The following AMBRA1 variants were observed in gnomAD, a reference collection of about 807,000 sequenced individuals.
AMBRA1 encodes activating molecule in BECN1-regulated autophagy protein 1.
A neutral mutation model predicts 125.4 loss-of-function variants in AMBRA1; 47 were observed. The observed-to-expected ratio is 0.37, with a 90% confidence interval of 0.30 to 0.48. AMBRA1 has a LOEUF of 0.48. Among genes scored for constraint, AMBRA1 ranks in the 20% least tolerant of loss-of-function variants. AMBRA1 has a pLI of 0.99. For missense variants in AMBRA1, 1,331 were observed against 1,693.4 expected, an observed-to-expected ratio of 0.79 and a Z score of 3.76; for synonymous variants, 626 against 655.5, an observed-to-expected ratio of 0.95 and a Z score of 0.69.
At chr11:46,518,039 G>C in intron 7 of AMBRA1, 3 of 848,560 alleles carry the variant, frequency 3.5e-6, no homozygotes, top group Non-Finnish European at 4.3e-6. Flanking sequence ...TTTTCTGCAA[G>C]TTTGAAATTA....
intron 1 of AMBRA1, among the ~76,000 whole-genome samples, chr11:46,592,665 G>A (rs1205169926): frequency 6.6e-6 from 1 of 152,014 alleles, no homozygotes; most frequent in African/African-American, 2.4e-5. Flanking sequence ...GTCTGAGGCA[G>A]GGGAATCGCT....
At chr11:46,462,034 A>C (rs1289359232) in intron 11 of AMBRA1, among the ~76,000 whole-genome samples, 2 of 151,980 alleles carry the variant, frequency 1.3e-5, no homozygotes, top group African/African-American at 4.8e-5. Context: ...CATCCTTCAT[A>C]ATTTTAATGT....
intron 1 of AMBRA1, among the ~76,000 whole-genome samples, chr11:46,554,264 A>G (rs1464903226): frequency 6.6e-6 from 1 of 152,164 alleles, no homozygotes; most frequent in African/African-American, 2.4e-5. Flanking sequence ...CAGCAGTCCA[A>G]TTCCTAAAAA....
chr11:46,406,340 C>T (rs956698894), intron 17 of AMBRA1, among the ~76,000 whole-genome samples: 8 of 146,592 alleles, frequency 5.5e-5, no homozygotes, highest in Non-Finnish European at 1.0e-4. Context: ...AGGCGTGAGC[C>T]ACCACACCCA....
At chr11:46,492,831 C>T (rs544985375) in intron 11 of AMBRA1, among the ~76,000 whole-genome samples, 4 of 152,220 alleles carry the variant, frequency 2.6e-5, no homozygotes, top group African/African-American at 7.2e-5. Context: ...AGGCAGATCA[C>T]GAAGTGAGGA....
intron 11 of AMBRA1, among the ~76,000 whole-genome samples, chr11:46,464,427 T>C (rs1949236422): frequency 1.3e-5 from 2 of 152,102 alleles, no homozygotes; most frequent in African/African-American, 2.4e-5. Context: ...CCTGAGATGG[T>C]CTAAACTAAA....
At chr11:46,452,589 C>T (rs971589584) in intron 11 of AMBRA1, among the ~76,000 whole-genome samples, 5 of 152,226 alleles carry the variant, frequency 3.3e-5, no homozygotes, top group Admixed American at 3.3e-4. Flanking sequence ...ACCATCTTCC[C>T]TTTCTGAGTA....
chr11:46,551,960 G>T (rs1348367840), intron 1 of AMBRA1, among the ~76,000 whole-genome samples: 4 of 148,192 alleles, frequency 2.7e-5, no homozygotes, highest in East Asian at 2.1e-4. Context: ...CCCAGGAGGC[G>T]GAGGTTGTAG....
intron 3 of AMBRA1, 146 bp downstream of exon 3, chr11:46,547,671 T>A: frequency 1.3e-6 from 1 of 745,828 alleles, no homozygotes; most frequent in Admixed American, 2.8e-5. Context: ...TCATCTACTT[T>A]CTTTCCCTTT....
chr11:46,481,004 G>A (rs1196849107), intron 11 of AMBRA1, among the ~76,000 whole-genome samples: 3 of 152,188 alleles, frequency 2.0e-5, no homozygotes, highest in Non-Finnish European at 4.4e-5. Flanking sequence ...GAAAACTTCA[G>A]TAGAAGGAAA....
chr11:46,506,256 G>A (rs890476549), intron 9 of AMBRA1, among the ~76,000 whole-genome samples: 3 of 152,190 alleles, frequency 2.0e-5, no homozygotes, highest in African/African-American at 7.2e-5. Flanking sequence ...TCCTGCAGTT[G>A]ACAAGAGAGA....
At chr11:46,520,038 C>T (rs1433776658) in intron 7 of AMBRA1, among the ~76,000 whole-genome samples, 3 of 151,570 alleles carry the variant, frequency 2.0e-5, no homozygotes, top group African/African-American at 7.3e-5. Flanking sequence ...ACTCAGGTGG[C>T]TGAGGCAGGA....
At chr11:46,445,932 G>A (rs1364016065) in intron 11 of AMBRA1, among the ~76,000 whole-genome samples, 11 of 152,164 alleles carry the variant, frequency 7.2e-5, no homozygotes, top group Non-Finnish European at 1.3e-4. Flanking sequence ...CTACAAACAG[G>A]AAAACAGTTA....
intron 11 of AMBRA1, among the ~76,000 whole-genome samples, chr11:46,475,398 A>T (rs937005062): frequency 6.6e-6 from 1 of 152,256 alleles, no homozygotes; most frequent in African/African-American, 2.4e-5. Flanking sequence ...GAAAAGGAAC[A>T]GACAAGCATA....
At position 46,559,580 on chromosome 11, in the gene AMBRA1, A is replaced by T. The variant is rs1181527230; in HGVS notation, c.-120-11080T>A. On this transcript the variant is annotated intron_variant, in intron 1 of 17. Coordinates refer to ENST00000683756, the MANE Select transcript of AMBRA1 (RefSeq NM_001387011.1). ...TGGATATTCTGATAGCAGAGATGAG[A>T]ATATGGGATATTACACCTTTCGAGC... Among the ~76,000 whole-genome samples, 3 of 152,318 alleles carry T rather than the reference A, an allele frequency of 2.0e-5. No individual in the cohort carries two copies. In the East Asian group the frequency reaches 5.8e-4, roughly 29 times the overall value.
chr11:46,490,386 A>T (rs560135493), intron 11 of AMBRA1, among the ~76,000 whole-genome samples: 2 of 152,306 alleles, frequency 1.3e-5, no homozygotes, highest in South Asian at 4.1e-4. Flanking sequence ...TAGACTATCA[A>T]AACACTTTTC....
intron 1 of AMBRA1, among the ~76,000 whole-genome samples, chr11:46,581,960 T>G (rs1197988577): frequency 6.0e-5 from 9 of 150,970 alleles, no homozygotes; most frequent in Non-Finnish European, 1.3e-4. Flanking sequence ...CTACAAATAA[T>G]CAAAAATTAC....
chr11:46,486,268 A>T (rs1004015885), intron 11 of AMBRA1, among the ~76,000 whole-genome samples: 1 of 152,172 alleles, frequency 6.6e-6, no homozygotes, highest in Admixed American at 6.5e-5. Flanking sequence ...ATAAAGGGAG[A>T]TCAAAGAGAT....
intron 1 of AMBRA1, among the ~76,000 whole-genome samples, chr11:46,573,869 T>C (rs1336173768): frequency 3.1e-5 from 4 of 130,672 alleles, no homozygotes; most frequent in Admixed American, 9.1e-5. Flanking sequence ...CCTGTGTCCA[T>C]GTGATCTCAT....
Sources: allele counts gnomAD v4.1 joint callset (sites outside exome capture counted in the v4.1 genomes callset), GRCh38; gene constraint gnomAD v4.1.1; transcripts MANE v1.5; gene names NCBI Gene and HGNC (gene_info 2026-07-23, HGNC 2026-07-21).